The following CCDC150 variants were observed in gnomAD, a reference collection of about 807,000 sequenced individuals.
CCDC150 encodes coiled-coil domain-containing protein 150.
Under a neutral mutation model 156.5 loss-of-function variants are expected in CCDC150, and 151 were observed. The observed-to-expected ratio is 0.97, with a 90% CI of 0.85 to 1.10. The LOEUF (loss-of-function observed/expected upper bound fraction) is 1.10. Ranked by LOEUF, CCDC150 falls within the 50% of genes least tolerant of loss-of-function variation. CCDC150 has a pLI of 0.00. For missense variants in CCDC150, 1,312 were observed against 1,268.1 expected, an observed-to-expected ratio of 1.03 and a Z score of -0.53; for synonymous variants, 452 against 429.4, an observed-to-expected ratio of 1.05 and a Z score of -0.65.
At chr2:196,727,692 A>G (rs1013552720) in intron 22 of CCDC150, 1 of 152,134 alleles carries the variant, frequency 6.6e-6, no homozygotes. Context: ...AAATGTAGAA[A>G]TGTACCTTTA....
At position 196,726,061 on chromosome 2, in the gene CCDC150, G is replaced by C; in HGVS notation, c.2518G>C (p.Glu840Gln). 1 of 1,613,006 alleles carries C rather than the reference G, an allele frequency of 6.2e-7. No individual in the cohort carries two copies. Among genetic ancestry groups the C allele is most frequent in the Non-Finnish European group, 8.5e-7 (1 of 1,179,448 alleles). ...ALRKQFQTERETTKKVAQREV... is the reference protein window; with the variant it reads ...ALRKQFQTERQTTKKVAQREV... ...AAGAAAGCAGTTTCAAACCGAGAGA[G>C]AAACTACAAAGAAAGTGGCACAACG... The change falls in exon 22 of 28, where the codon GAA becomes CAA. Residue 840 changes from glutamate (E) to glutamine (Q), a missense_variant. By Grantham distance (29) the Glu-to-Gln change is conservative (BLOSUM62 2). Transcript: ENST00000389175.
intron 26 of CCDC150, among the ~76,000 whole-genome samples, chr2:196,731,799 A>C (rs2125723869): frequency 6.6e-6 from 1 of 152,240 alleles, no homozygotes; most frequent in Middle Eastern, 3.4e-3. Context: ...TTCACATCCA[A>C]GAAACATTAA....
intron 13 of CCDC150, among the ~76,000 whole-genome samples, chr2:196,691,596 C>G (rs546100519): frequency 1.7e-5 from 1 of 59,830 alleles, no homozygotes; most frequent in Admixed American, 2.1e-4. Flanking sequence ...TGAAACTACT[C>G]TCTTTTCTTA....
chr2:196,684,632 A>T (rs2125631851), intron 13 of CCDC150, among the ~76,000 whole-genome samples: 1 of 152,244 alleles, frequency 6.6e-6, no homozygotes, highest in East Asian at 1.9e-4. Context: ...TCTGCTGATT[A>T]ATGAAAATGG....
intron 15 of CCDC150, among the ~76,000 whole-genome samples, chr2:196,703,432 T>C (rs1696375774): frequency 6.6e-6 from 1 of 152,176 alleles, no homozygotes; most frequent in Non-Finnish European, 1.5e-5. Flanking sequence ...TTATCTACAT[T>C]TATGTGACCG....
At chr2:196,708,349 C>A (rs1696833992) in intron 15 of CCDC150, among the ~76,000 whole-genome samples, 1 of 152,028 alleles carries the variant, frequency 6.6e-6, no homozygotes, top group Non-Finnish European at 1.5e-5. Flanking sequence ...TCTTGGTTTC[C>A]ATTTGCTTGG....
At chr2:196,730,423 G>A (rs1444269002) in intron 25 of CCDC150, among the ~76,000 whole-genome samples, 2 of 152,126 alleles carry the variant, frequency 1.3e-5, no homozygotes, top group African/African-American at 4.8e-5. Flanking sequence ...AGCCTTTCAG[G>A]AACTTTGTAC....
intron 13 of CCDC150, among the ~76,000 whole-genome samples, chr2:196,693,735 A>G (rs1271900390): frequency 6.6e-6 from 1 of 152,074 alleles, no homozygotes; most frequent in Admixed American, 6.5e-5. Context: ...TTAGGGGGAA[A>G]GTTTTTCACT....
At chr2:196,727,121 ACAGGC>A (rs1211397831) in intron 22 of CCDC150, 1 of 152,214 alleles carries the variant, frequency 6.6e-6, no homozygotes, top group African/African-American at 2.4e-5. Flanking sequence ...AAAAAATCAA[ACAGGC>A]CAGGCGAGGC....
In CCDC150 at chr2:196,650,709, A is replaced by G. The variant is rs528305553; in HGVS notation, c.176+4205A>G. 1.1e-4 allele frequency among the ~76,000 whole-genome samples: 16 copies of G among 152,206 alleles called. No individual in the cohort carries two copies. In the East Asian group the frequency reaches 3.1e-3, roughly 29 times the overall value. ...ACCAGCTGCTAGTGTTTTTATTGAT[A>G]ATTTTTGCATCTGTGTTCAGGAATA... On this transcript the variant is annotated intron_variant, in intron 2 of 27. Transcript: ENST00000389175.
chr2:196,682,409 T>G (rs995322914), intron 13 of CCDC150, among the ~76,000 whole-genome samples: 28 of 152,234 alleles, frequency 1.8e-4, no homozygotes, highest in Admixed American at 3.3e-4. Context: ...AACTTTTTTT[T>G]TTGTTGTTAT....
chr2:196,712,757 G>A lies in CCDC150; in HGVS notation c.1866+18G>A, dbSNP rs913957200. On this transcript the variant is annotated intron_variant, in intron 17 of 27. Transcript: ENST00000389175. ...TGAAAGAAGTATTGGTAATGAAAGT[G>A]CTTACTTGTCAGCATGGTGGCTCTT... 3.8e-6 allele frequency: 6 copies of A among 1,594,364 alleles called. No individual in the cohort carries two copies. Among genetic ancestry groups the A allele is most frequent in the African/African-American group, 2.7e-5 (2 of 74,590 alleles).
At chr2:196,647,882 T>G (rs779159737) in intron 2 of CCDC150, among the ~76,000 whole-genome samples, 3 of 152,196 alleles carry the variant, frequency 2.0e-5, no homozygotes, top group Admixed American at 6.5e-5. Flanking sequence ...CTTTGTACTC[T>G]GACGAACAAT....
At chr2:196,675,582 A>G (rs1694447027) in intron 10 of CCDC150, among the ~76,000 whole-genome samples, 1 of 151,104 alleles carries the variant, frequency 6.6e-6, no homozygotes, top group South Asian at 2.1e-4. Flanking sequence ...ATAATTCCAA[A>G]ATGGTGAGCC....
intron 13 of CCDC150, among the ~76,000 whole-genome samples, chr2:196,686,764 C>T (rs979160922): frequency 2.0e-5 from 3 of 152,006 alleles, no homozygotes; most frequent in African/African-American, 7.3e-5. Context: ...CTCCCTCCAC[C>T]CACCCTCCAC....
chr2:196,705,001 C>T (rs1040770257), intron 15 of CCDC150, among the ~76,000 whole-genome samples: 1 of 152,050 alleles, frequency 6.6e-6, no homozygotes. Context: ...TGAATAGTGC[C>T]GCAATAAACA....
At chr2:196,675,307 A>G (rs1694426139) in intron 10 of CCDC150, among the ~76,000 whole-genome samples, 1 of 152,176 alleles carries the variant, frequency 6.6e-6, no homozygotes, top group South Asian at 2.1e-4. Context: ...AGTGGTGAAC[A>G]AGACAAAATT....
At chr2:196,705,397 G>C (rs1696548503) in intron 15 of CCDC150, among the ~76,000 whole-genome samples, 1 of 151,958 alleles carries the variant, frequency 6.6e-6, no homozygotes, top group Non-Finnish European at 1.5e-5. Flanking sequence ...TTTTTGATGG[G>C]GTTGTTTTCT....
At chr2:196,643,190 T>C (rs1692339625) in intron 1 of CCDC150, among the ~76,000 whole-genome samples, 1 of 152,254 alleles carries the variant, frequency 6.6e-6, no homozygotes, top group South Asian at 2.1e-4. Context: ...TCAAAAGCTT[T>C]GTGCCCTGCC....
Sources: gnomAD v4.1 joint callset for allele counts (sites outside exome capture counted in the v4.1 genomes callset) on GRCh38, gnomAD v4.1.1 for gene constraint, MANE v1.5 for transcripts, NCBI Gene and HGNC (gene_info 2026-07-23, HGNC 2026-07-21) for gene names.